WWOX: variants seen among roughly 807,000 people sequenced by gnomAD.
The protein encoded by WWOX is WW domain containing oxidoreductase, also known as WW domain-containing oxidoreductase.
WWOX carries 69 observed loss-of-function variants against 46.2 expected under a neutral mutation model. The ratio of observed to expected loss-of-function variants is 1.49; its 90% CI spans 1.23 to 1.82. The LOEUF (loss-of-function observed/expected upper bound fraction) is 1.82, where lower values mean the gene tolerates loss of function less well. WWOX is among the 40% of genes most tolerant of loss of function. WWOX has a pLI of 0.00. For missense variants in WWOX, 919 were observed against 542.6 expected (o/e 1.69, Z -6.89); for synonymous variants, 359 against 202.6 (o/e 1.77, Z -6.56).
chr16:78,933,846 C>G (rs529875691), intron 8 of WWOX, among the ~76,000 whole-genome samples: 97 of 152,204 alleles, frequency 6.4e-4, no homozygotes, highest in African/African-American at 2.3e-3. Flanking sequence ...GTGGGAGTTA[C>G]AAGTTGCAAT....
chr16:78,589,878 A>G (rs1293494265), intron 8 of WWOX, among the ~76,000 whole-genome samples: 2 of 152,184 alleles, frequency 1.3e-5, no homozygotes, highest in Non-Finnish European at 2.9e-5. Flanking sequence ...GGAAAAATGG[A>G]AAACTCCAGG....
chr16:78,390,135 T>C (rs1597150035), intron 6 of WWOX, among the ~76,000 whole-genome samples: 2 of 152,212 alleles, frequency 1.3e-5, no homozygotes, highest in Admixed American at 1.3e-4. Flanking sequence ...GGCATGGGGT[T>C]TCACTCCAGT....
chr16:78,240,460 G>T (rs957994138), intron 5 of WWOX, among the ~76,000 whole-genome samples: 3 of 152,154 alleles, frequency 2.0e-5, no homozygotes, highest in African/African-American at 2.4e-5. Context: ...CAGAAACGAG[G>T]AGAGAAACCT....
chr16:79,194,803 A>G (rs2051206540), intron 8 of WWOX, among the ~76,000 whole-genome samples: 1 of 152,158 alleles, frequency 6.6e-6, no homozygotes, highest in Non-Finnish European at 1.5e-5. Flanking sequence ...CATTCAGTAG[A>G]GTTTCTGGAG....
intron 8 of WWOX, among the ~76,000 whole-genome samples, chr16:78,572,724 A>G (rs1051151745): frequency 1.3e-5 from 2 of 152,176 alleles, no homozygotes; most frequent in African/African-American, 4.8e-5. Flanking sequence ...AAAACTATAA[A>G]GAAAACCAAG....
chr16:78,107,541 G>A (rs2151664438), intron 1 of WWOX, among the ~76,000 whole-genome samples: 1 of 152,246 alleles, frequency 6.6e-6, no homozygotes, highest in South Asian at 2.1e-4. Flanking sequence ...TAAGGAGTGG[G>A]GTCACTTGAC....
chr16:78,242,506 C>T (rs1453599875), intron 5 of WWOX, among the ~76,000 whole-genome samples: 3 of 152,130 alleles, frequency 2.0e-5, no homozygotes, highest in African/African-American at 4.8e-5. Context: ...GAGTTTTCTT[C>T]GTGGTCTGAC....
chr16:78,831,627 T>A (rs112056200), intron 8 of WWOX, among the ~76,000 whole-genome samples: 1 of 152,304 alleles, frequency 6.6e-6, no homozygotes, highest in African/African-American at 2.4e-5. Context: ...CAGTCTTTCT[T>A]TTCTTGAGTT....
intron 8 of WWOX, among the ~76,000 whole-genome samples, chr16:78,594,525 C>A (rs1269165230): frequency 6.8e-6 from 1 of 147,426 alleles, no homozygotes; most frequent in African/African-American, 2.5e-5. Context: ...AGGTACAAAT[C>A]CCACATGAAA....
At chr16:78,442,800 C>A (rs973079603) in intron 8 of WWOX, among the ~76,000 whole-genome samples, 1 of 151,582 alleles carries the variant, frequency 6.6e-6, no homozygotes, top group Admixed American at 6.6e-5. Flanking sequence ...GTCAACATTG[C>A]GAAATTCTGT....
At position 78,349,910 on chromosome 16, in the gene WWOX, A is replaced by G. The variant is rs1567516499; in HGVS notation, c.517-36950A>G. On this transcript the variant is annotated intron_variant, in intron 5 of 8. Coordinates refer to ENST00000566780, the MANE Select transcript of WWOX (RefSeq NM_016373.4). ...TTCCCCAGAAATAATCCCTGTTAACATTTCGGTTTGTGTTATGGAAGTGTT... is the reference window on the plus strand; with the variant it reads ...TTCCCCAGAAATAATCCCTGTTAACGTTTCGGTTTGTGTTATGGAAGTGTT... Among the ~76,000 whole-genome samples, 2 of 120,748 alleles carry G rather than the reference A, an allele frequency of 1.7e-5. 1 individual carries two copies. Among genetic ancestry groups the G allele is most frequent in the Admixed American group, 1.6e-4 (2 of 12,408 alleles). 79.2% of individuals were successfully genotyped at this position (120,748 alleles called of 152,430 possible). A position where few individuals can be genotyped will look rare whatever the true frequency, so the allele number is the denominator to read the frequency against.
At chr16:78,462,255 CTT>C (rs1331250550) in intron 8 of WWOX, among the ~76,000 whole-genome samples, 1 of 141,510 alleles carries the variant, frequency 7.1e-6, no homozygotes, top group East Asian at 2.0e-4. Context: ...TTTTTTTTTT[CTT>C]GTTTCCTCTG....
chr16:78,827,996 A>T (rs767026520), intron 8 of WWOX, among the ~76,000 whole-genome samples: 2 of 152,304 alleles, frequency 1.3e-5, no homozygotes, highest in East Asian at 1.9e-4. Flanking sequence ...TTGTCAGGTT[A>T]TGAAGGGAAA....
intron 8 of WWOX, among the ~76,000 whole-genome samples, chr16:78,744,716 G>A (rs1254109535): frequency 3.3e-5 from 5 of 152,148 alleles, no homozygotes; most frequent in Non-Finnish European, 2.9e-5. Flanking sequence ...ACAGGCGTGA[G>A]CCACTGTGTA....
intron 5 of WWOX, among the ~76,000 whole-genome samples, chr16:78,323,505 C>G (rs987215758): frequency 2.6e-5 from 4 of 152,142 alleles, no homozygotes; most frequent in Non-Finnish European, 4.4e-5. Context: ...TTTCTACCCT[C>G]CTCTTTGAGC....
chr16:78,606,060 C>A (rs969525606), intron 8 of WWOX, among the ~76,000 whole-genome samples: 1 of 152,150 alleles, frequency 6.6e-6, no homozygotes, highest in Non-Finnish European at 1.5e-5. Context: ...ACGAGGGATG[C>A]CCTCCCAAAT....
At chr16:79,184,746 T>C (rs969270961) in intron 8 of WWOX, among the ~76,000 whole-genome samples, 2 of 152,188 alleles carry the variant, frequency 1.3e-5, no homozygotes, top group African/African-American at 2.4e-5. Flanking sequence ...ATAGCCAAGA[T>C]AGGAGTTTGA....
intron 8 of WWOX, among the ~76,000 whole-genome samples, chr16:78,617,217 G>T (rs2046047388): frequency 6.6e-6 from 1 of 152,074 alleles, no homozygotes; most frequent in Admixed American, 6.5e-5. Flanking sequence ...TTGAAGACCA[G>T]CCTGGGCAAC....
intron 8 of WWOX, among the ~76,000 whole-genome samples, chr16:78,530,886 T>C (rs1277169966): frequency 6.6e-6 from 1 of 152,250 alleles, no homozygotes; most frequent in Non-Finnish European, 1.5e-5. Context: ...CTAAACGTTT[T>C]ACAACACATT....
Sources: allele counts gnomAD v4.1 joint callset (sites outside exome capture counted in the v4.1 genomes callset), GRCh38; gene constraint gnomAD v4.1.1; transcripts MANE v1.5; gene names NCBI Gene and HGNC (gene_info 2026-07-23, HGNC 2026-07-21).